RPS6KC1: variants seen among roughly 807,000 people sequenced by gnomAD.
The protein encoded by RPS6KC1 is ribosomal protein S6 kinase C1, also known as inactive ribosomal protein S6 kinase delta-1.
Under a neutral mutation model 103.8 loss-of-function variants are expected in RPS6KC1, and 54 were observed. The observed-to-expected ratio is 0.52, with a 90% CI of 0.42 to 0.65. The LOEUF is 0.65. Ranked by LOEUF, RPS6KC1 falls within the 30% of genes least tolerant of loss-of-function variation. The probability of loss-of-function intolerance (pLI) is 0.00; values close to 1 mark genes in which losing one functional copy is unlikely to be tolerated. For missense variants in RPS6KC1, 1,151 were observed against 1,253.8 expected, an observed-to-expected ratio of 0.92 and a Z score of 1.24; for synonymous variants, 439 against 438.7, an observed-to-expected ratio of 1.00 and a Z score of -0.01.
At chr1:213,527,651 CT>C in the RPS6KC1 span, among the ~76,000 whole-genome samples, 17 of 151,264 alleles carry the variant, frequency 1.1e-4, no homozygotes, top group African/African-American at 2.9e-4. Context: ...TTGATGTGTT[CT>C]TTTTTTTTAG....
At chr1:213,648,290 G>T in the RPS6KC1 span, among the ~76,000 whole-genome samples, 1 of 152,178 alleles carries the variant, frequency 6.6e-6, no homozygotes, top group South Asian at 2.1e-4. Flanking sequence ...TTTAAGCAAA[G>T]TATGGGGTGT....
intron 2 of RPS6KC1, among the ~76,000 whole-genome samples, chr1:213,074,793 T>C (rs1256214096): frequency 6.6e-6 from 1 of 151,890 alleles, no homozygotes; most frequent in Non-Finnish European, 1.5e-5. Context: ...TGTTAAATTT[T>C]GCTCCTTAAG....
chr1:213,359,952 G>A, the RPS6KC1 span, among the ~76,000 whole-genome samples: 3 of 152,128 alleles, frequency 2.0e-5, no homozygotes, highest in African/African-American at 7.2e-5. Context: ...GCTTCCCTTT[G>A]TGGGTAACCC....
intron 14 of RPS6KC1, among the ~76,000 whole-genome samples, chr1:213,267,629 C>T (rs2094942458): frequency 6.6e-6 from 1 of 151,716 alleles, no homozygotes; most frequent in Non-Finnish European, 1.5e-5. Context: ...TAAATATTTC[C>T]AAAGAACTAA....
At chr1:213,178,307 A>C (rs183529813) in intron 8 of RPS6KC1, among the ~76,000 whole-genome samples, 41 of 152,104 alleles carry the variant, frequency 2.7e-4, no homozygotes, top group African/African-American at 9.6e-4. Context: ...TGGGAGGCCG[A>C]GGCCAGTGGA....
At chr1:213,512,005 T>C in the RPS6KC1 span, among the ~76,000 whole-genome samples, 5 of 152,232 alleles carry the variant, frequency 3.3e-5, no homozygotes, top group Admixed American at 1.3e-4. Context: ...TAAGACTTTA[T>C]TGAATGACTA....
the RPS6KC1 span, among the ~76,000 whole-genome samples, chr1:213,636,238 T>C: frequency 6.6e-6 from 1 of 152,160 alleles, no homozygotes; most frequent in Non-Finnish European, 1.5e-5. Context: ...AAGCTATCAA[T>C]GACTTTCTTC....
chr1:213,064,974 CTTTTTTTTTT>C (rs34664044), intron 1 of RPS6KC1, among the ~76,000 whole-genome samples: 3 of 89,694 alleles, frequency 3.3e-5, no homozygotes, highest in Non-Finnish European at 6.6e-5. Flanking sequence ...CGTGCCCGGC[CTTTTTTTTTT>C]TTTTTTTTTT....
the RPS6KC1 span, among the ~76,000 whole-genome samples, chr1:213,760,079 C>T: frequency 1.3e-5 from 2 of 152,166 alleles, no homozygotes; most frequent in Non-Finnish European, 2.9e-5. Context: ...TCGGTGGGGC[C>T]GCCAGGCACC....
At chr1:213,337,706 A>T in the RPS6KC1 span, among the ~76,000 whole-genome samples, 1 of 152,168 alleles carries the variant, frequency 6.6e-6, no homozygotes, top group Admixed American at 6.5e-5. Context: ...GTATACATCC[A>T]CTTACTCATT....
chr1:213,475,654 C>T, the RPS6KC1 span, among the ~76,000 whole-genome samples: 5 of 152,180 alleles, frequency 3.3e-5, no homozygotes, highest in African/African-American at 1.2e-4. Context: ...CCAATGTCCA[C>T]GAGGCCATGA....
the RPS6KC1 span, among the ~76,000 whole-genome samples, chr1:213,395,223 T>C: frequency 6.6e-6 from 1 of 152,186 alleles, no homozygotes; most frequent in Non-Finnish European, 1.5e-5. Flanking sequence ...GGTGATTTCC[T>C]GGTATTCTTG....
the RPS6KC1 span, among the ~76,000 whole-genome samples, chr1:213,326,104 G>A: frequency 6.6e-6 from 1 of 152,092 alleles, no homozygotes; most frequent in Non-Finnish European, 1.5e-5. Flanking sequence ...AAGAGAGAGC[G>A]GGAGGCAGAG....
the RPS6KC1 span, among the ~76,000 whole-genome samples, chr1:213,343,977 C>G: frequency 1.1e-4 from 16 of 152,230 alleles, no homozygotes; most frequent in Admixed American, 6.5e-4. Context: ...TATACCTAGA[C>G]AAACTATCAT....
the RPS6KC1 span, among the ~76,000 whole-genome samples, chr1:213,547,839 TG>T: frequency 1.2e-4 from 19 of 152,302 alleles, no homozygotes; most frequent in Non-Finnish European, 2.1e-4. Context: ...CCATGCTTCT[TG>T]TACTGCTGGC....
the RPS6KC1 span, among the ~76,000 whole-genome samples, chr1:213,613,895 G>A: frequency 6.6e-6 from 1 of 152,224 alleles, no homozygotes; most frequent in African/African-American, 2.4e-5. Context: ...TGCTCCATAA[G>A]CCTTCACCAG....
the RPS6KC1 span, among the ~76,000 whole-genome samples, chr1:213,477,397 GT>G: frequency 6.6e-6 from 1 of 150,686 alleles, no homozygotes; most frequent in Non-Finnish European, 1.5e-5. Flanking sequence ...TGAAAGGCAA[GT>G]TAAAATCTCC....
chr1:213,571,195 G>A, the RPS6KC1 span, among the ~76,000 whole-genome samples: 1 of 152,034 alleles, frequency 6.6e-6, no homozygotes, highest in Non-Finnish European at 1.5e-5. Flanking sequence ...AGGGTTTTTT[G>A]GGAAAGATAT....
intron 8 of RPS6KC1, among the ~76,000 whole-genome samples, chr1:213,184,062 G>A (rs1436647808): frequency 6.6e-6 from 1 of 152,076 alleles, no homozygotes; most frequent in East Asian, 1.9e-4. Flanking sequence ...AAAATAAATA[G>A]ATAATTTGAA....
Sources: allele counts gnomAD v4.1 joint callset (sites outside exome capture counted in the v4.1 genomes callset), GRCh38; gene constraint gnomAD v4.1.1; transcripts MANE v1.5; gene names NCBI Gene and HGNC (gene_info 2026-07-23, HGNC 2026-07-21).